Variants in TMEM106B observed in about 807,000 individuals in gnomAD.
The protein encoded by TMEM106B is transmembrane protein 106B.
A neutral mutation model predicts 31.1 loss-of-function variants in TMEM106B; 15 were observed. That is an observed-to-expected ratio of 0.48 (90% CI 0.32 to 0.74). The LOEUF (loss-of-function observed/expected upper bound fraction) is 0.74, where lower values mean the gene tolerates loss of function less well. Ranked by LOEUF, TMEM106B falls within the 30% of genes least tolerant of loss-of-function variation. The probability of loss-of-function intolerance (pLI) is 0.03; values close to 1 mark genes in which losing one functional copy is unlikely to be tolerated. For missense variants in TMEM106B, 283 were observed against 327.3 expected (o/e 0.86, Z 1.04); for synonymous variants, 126 against 112.5 (o/e 1.12, Z -0.76).
chr7:12,225,088 A>G (rs1019098878), intron 4 of TMEM106B, among the ~76,000 whole-genome samples: 7 of 152,140 alleles, frequency 4.6e-5, no homozygotes, highest in South Asian at 2.1e-4. Flanking sequence ...TCATTGTTCA[A>G]TTCCCACCTA....
rs1386169489 is a variant in TMEM106B, at chr7:12,238,565, C to T, written c.*6590C>T. On this transcript the variant is annotated 3_prime_UTR_variant, in exon 8 of 8. Coordinates refer to ENST00000396668, the MANE Select transcript of TMEM106B (RefSeq NM_001134232.2). ...CCCAGATCCATCAGAGGAATCACTA[C>T]CTATGACAGCTATGGTCTTACAAAA... The T allele has an allele frequency of 1.3e-5, 2 of 152,174 alleles. No homozygotes were observed. The highest frequency in any genetic ancestry group is 2.4e-5 in the African/African-American group (1 of 41,424). The allele number at this position is 152,174 out of a possible 1,614,324, so 9.4% of individuals were successfully genotyped here. A position where few individuals can be genotyped will look rare whatever the true frequency, so the allele number is the denominator to read the frequency against.
rs757618162 is a variant in TMEM106B at position 12,218,540 on chromosome 7, A to G, written c.281+19A>G. The G allele has an allele frequency of 1.9e-6, 3 of 1,592,860 alleles. No homozygotes were observed. Among genetic ancestry groups the G allele is most frequent in the East Asian group, 2.2e-5 (1 of 44,452 alleles). ...GAAGAACGTAAGTGATTCTAAGAAT[A>G]TGGCAGTGTTTTATGTTTTATTTTT... On this transcript the variant is annotated intron_variant, in intron 3 of 7. Coordinates refer to ENST00000396668, the MANE Select transcript of TMEM106B (RefSeq NM_001134232.2).
At chr7:12,223,673 T>C (rs1293467661) in intron 3 of TMEM106B, among the ~76,000 whole-genome samples, 3 of 151,850 alleles carry the variant, frequency 2.0e-5, no homozygotes, top group Admixed American at 6.6e-5. Context: ...AAAAAGTAAA[T>C]GTTCTATTGT....
In TMEM106B at chr7:12,237,546, A is replaced by G. The variant is rs947994911; in HGVS notation, c.*5571A>G. ...AGGTTTGGTTCCACACCATATCGAT[A>G]AAGTGATATAATCAAGCAAGTTACA... is the stretch of plus-strand genomic sequence containing the variant. On this transcript the variant is annotated 3_prime_UTR_variant, in exon 8 of 8. Coordinates refer to ENST00000396668, the MANE Select transcript of TMEM106B (RefSeq NM_001134232.2). 1 of 152,304 alleles carries G rather than the reference A, an allele frequency of 6.6e-6. No individual in the cohort carries two copies. Among genetic ancestry groups the G allele is most frequent in the African/African-American group, 2.4e-5 (1 of 41,568 alleles). The allele number at this position is 152,304 out of a possible 1,614,324, so 9.4% of individuals were successfully genotyped here.
intron 4 of TMEM106B, among the ~76,000 whole-genome samples, chr7:12,225,135 G>A (rs1422522798): frequency 6.6e-6 from 1 of 152,056 alleles, no homozygotes; most frequent in African/African-American, 2.4e-5. Flanking sequence ...TTCTGTCCTT[G>A]TGATAGTTTG....
intron 2 of TMEM106B, among the ~76,000 whole-genome samples, chr7:12,216,457 T>C (rs1274752995): frequency 6.6e-6 from 1 of 152,152 alleles, no homozygotes; most frequent in African/African-American, 2.4e-5. Flanking sequence ...TATTTGGAGA[T>C]GCCTATTTGA....
rs773675736 is a variant in TMEM106B at position 12,224,358 on chromosome 7, G to T, written c.414G>T (p.Gln138His). 6.2e-6 allele frequency: 10 copies of T among 1,611,624 alleles called. No homozygotes were observed. The highest frequency in any genetic ancestry group is 2.2e-5 in the East Asian group (1 of 44,802). ...CAGCCTATGTCAGTTATGATGTTCA[G>T]AAGCGTACAATTTATTTAAATATCA... Reference protein sequence around the residue: ...VKSAYVSYDVQKRTIYLNITN... With the variant: ...VKSAYVSYDVHKRTIYLNITN... Residue 138 changes from glutamine to histidine, a missense_variant, in exon 4 of 8, where the codon CAG becomes CAT. Physicochemically the swap from Gln to His is conservative, Grantham distance 24. Coordinates refer to ENST00000396668, the MANE Select transcript of TMEM106B (RefSeq NM_001134232.2).
chr7:12,237,664 A>C lies in TMEM106B; in HGVS notation c.*5689A>C, dbSNP rs1371273595. ...GCAATAGCATTATGTCGAAAAACAC[A>C]ATATATATGCCTTAATAAAAAATAG... On this transcript the variant is annotated 3_prime_UTR_variant, in exon 8 of 8. Transcript: ENST00000396668. The C allele has an allele frequency of 6.6e-6, 1 of 152,006 alleles. No homozygotes were observed. The highest frequency in any genetic ancestry group is 1.9e-4 in the East Asian group (1 of 5,176). The allele number at this position is 152,006 out of a possible 1,614,324, so 9.4% of individuals were successfully genotyped here. A position where few individuals can be genotyped will look rare whatever the true frequency, so the allele number is the denominator to read the frequency against.
At chr7:12,218,888 A>C (rs2128524775) in intron 3 of TMEM106B, among the ~76,000 whole-genome samples, 1 of 152,324 alleles carries the variant, frequency 6.6e-6, no homozygotes, top group South Asian at 2.1e-4. Flanking sequence ...CGGCCTTAGC[A>C]GCTGTGTGGA....
At chr7:12,216,207 G>A (rs1049711035) in intron 2 of TMEM106B, among the ~76,000 whole-genome samples, 2 of 152,070 alleles carry the variant, frequency 1.3e-5, no homozygotes, top group Non-Finnish European at 2.9e-5. Flanking sequence ...GGCTCAGGGG[G>A]TAGGGGAGTA....
At chr7:12,227,062 T>TC (rs1401256466) in intron 4 of TMEM106B, among the ~76,000 whole-genome samples, 1 of 152,254 alleles carries the variant, frequency 6.6e-6, no homozygotes, top group African/African-American at 2.4e-5. Context: ...TAAATGTGAA[T>TC]ATCATACTCT....
In TMEM106B at chr7:12,229,658, TTC is replaced by T. The variant is rs1781976028; in HGVS notation, c.442-19_442-18del. 1.3e-6 allele frequency: 2 copies of T among 1,524,770 alleles called. No individual in the cohort carries two copies. The highest frequency in any genetic ancestry group is 2.6e-5 in the South Asian group (2 of 77,686). The allele number at this position is 1,524,770 out of a possible 1,614,324, so 94.5% of individuals were successfully genotyped here. A position where few individuals can be genotyped will look rare whatever the true frequency, so the allele number is the denominator to read the frequency against. ...TATATTTTTAGCTAACTTGTAAATT[TTC>T]TGTGTCCTTTTTTTGTAGAACACAC... On this transcript the variant is annotated intron_variant, in intron 4 of 7. Coordinates refer to ENST00000396668, the MANE Select transcript of TMEM106B (RefSeq NM_001134232.2).
intron 3 of TMEM106B, among the ~76,000 whole-genome samples, chr7:12,220,240 C>T (rs1027572685): frequency 3.3e-5 from 5 of 152,038 alleles, no homozygotes; most frequent in African/African-American, 1.2e-4. Flanking sequence ...CCTTTATAAC[C>T]TAAAAGTGGG....
chr7:12,221,493 T>C (rs915997430), intron 3 of TMEM106B, among the ~76,000 whole-genome samples: 3 of 152,100 alleles, frequency 2.0e-5, no homozygotes, highest in Admixed American at 6.6e-5. Flanking sequence ...TTGACCCAAA[T>C]AGAATAATGC....
Position 12,238,134 on chromosome 7 carries a change from CCT to C in TMEM106B, c.*6162_*6163del, listed in dbSNP as rs1424210526. ...TTGGAGCCAGTCCTCTCAAACCCTG[CCT>C]CTGCTTTATCGACCATGTTTAAATA... On this transcript the variant is annotated 3_prime_UTR_variant, in exon 8 of 8. Coordinates refer to ENST00000396668, the MANE Select transcript of TMEM106B (RefSeq NM_001134232.2). 6.5e-6 allele frequency: 1 copy of C among 153,044 alleles called. No individual in the cohort carries two copies. The highest frequency in any genetic ancestry group is 2.4e-5 in the African/African-American group (1 of 41,450). The allele number at this position is 153,044 out of a possible 1,614,324, so 9.5% of individuals were successfully genotyped here.
At chr7:12,231,413 T>C (rs1322469008) in intron 7 of TMEM106B, 2 of 291,806 alleles carry the variant, frequency 6.9e-6, no homozygotes, top group Non-Finnish European at 1.3e-5. Context: ...TGACAAATAG[T>C]CATTAACAGT....
chr7:12,220,936 C>G (rs1041210003), intron 3 of TMEM106B, among the ~76,000 whole-genome samples: 1 of 152,066 alleles, frequency 6.6e-6, no homozygotes, highest in Non-Finnish European at 1.5e-5. Flanking sequence ...GTGATATTGA[C>G]AATATGTTTT....
chr7:12,230,640 A>T (rs1433182470), intron 6 of TMEM106B: 4 of 404,468 alleles, frequency 9.9e-6, no homozygotes, highest in Non-Finnish European at 1.7e-5. Context: ...TTGTTTTTTT[A>T]TTTATTTTTC....
intron 3 of TMEM106B, among the ~76,000 whole-genome samples, chr7:12,221,842 C>T (rs1781794797): frequency 6.6e-6 from 1 of 152,170 alleles, no homozygotes; most frequent in Non-Finnish European, 1.5e-5. Flanking sequence ...AAGCCTGCAG[C>T]TGTGTCCTGA....
Sources: allele counts gnomAD v4.1 joint callset (sites outside exome capture counted in the v4.1 genomes callset), GRCh38; gene constraint gnomAD v4.1.1; transcripts MANE v1.5; gene names NCBI Gene and HGNC (gene_info 2026-07-23, HGNC 2026-07-21).